Variants in SCP2 observed in about 807,000 individuals in gnomAD.
The protein encoded by SCP2 is SCP-2/3-oxoacyl-CoA thiolase.
Under a neutral mutation model 71.4 loss-of-function variants are expected in SCP2, and 48 were observed. That is an observed-to-expected ratio of 0.67 (90% CI 0.53 to 0.86). SCP2 has a LOEUF of 0.86. SCP2 is among the 40% of genes least tolerant of loss of function. SCP2 has a pLI of 0.00. For missense variants in SCP2, 560 were observed against 655.6 expected (o/e 0.85, Z 1.59); for synonymous variants, 220 against 218.1 (o/e 1.01, Z -0.08).
In SCP2 at chr1:52,999,790, A is replaced by G. The variant is rs79501935; in HGVS notation, c.1081+11654A>G. Among the ~76,000 whole-genome samples the G allele has an allele frequency of 3.3e-4, 50 of 149,498 alleles. 1 individual carries two copies. The East Asian group carries it at 9.4e-3, about 28-fold the overall frequency. ...CAGTTTTCAAAGTGCTTTTACATAT[A>G]CTATCCAACACTTACTGAACACTTG... On this transcript the variant is annotated intron_variant, in intron 11 of 15. Coordinates refer to ENST00000371514, the MANE Select transcript of SCP2 (RefSeq NM_002979.5).
rs933795923 is a variant in SCP2 at position 52,950,758 on chromosome 1, A to G, written c.203A>G (p.Asp68Gly). ...AAATTTTTGTTTTTCTATTCAGGTG[A>G]CTCTACCTGTGGGCAGAGGGCTATC... The part of the protein sequence containing the change: ...DQACVGYVFG[D>G]STCGQRAIYH... The change falls in exon 4 of 16, where the codon GAC becomes GGC. Residue 68 changes from aspartate (D) to glycine (G), a missense_variant. Physicochemically the swap from Asp to Gly is moderately conservative, Grantham distance 94 (BLOSUM62 -1). Transcript: ENST00000371514. 2.5e-6 allele frequency: 4 copies of G among 1,613,278 alleles called. No individual in the cohort carries two copies. The highest frequency in any genetic ancestry group is 3.4e-6 in the Non-Finnish European group (4 of 1,179,380).
chr1:52,976,656 T>A, intron 7 of SCP2, 27 bp from the exon 8 acceptor site: 1 of 1,129,196 alleles, frequency 8.9e-7, no homozygotes, highest in Non-Finnish European at 1.4e-6. Flanking sequence ...TCTCACATTC[T>A]GTAACTAATA....
intron 11 of SCP2, chr1:52,995,100 G>C (rs1659831277): frequency 5.8e-5 from 29 of 500,850 alleles, no homozygotes; most frequent in South Asian, 4.3e-4. Flanking sequence ...AGGAGTAAGA[G>C]AGCTGTGACT....
At chr1:52,951,668 GT>G (rs1458713296) in intron 4 of SCP2, among the ~76,000 whole-genome samples, 1 of 150,996 alleles carries the variant, frequency 6.6e-6, no homozygotes, top group African/African-American at 2.4e-5. Flanking sequence ...ACGATTCAGT[GT>G]TTTTTGTATA....
chr1:52,933,102 A>C (rs989977624), intron 1 of SCP2, among the ~76,000 whole-genome samples: 5 of 152,234 alleles, frequency 3.3e-5, no homozygotes, highest in Non-Finnish European at 7.3e-5. Flanking sequence ...GGCTGGTTGC[A>C]GAAATTGCTT....
chr1:52,995,972 T>G, intron 11 of SCP2: 5 of 1,424,310 alleles, frequency 3.5e-6, no homozygotes, highest in Admixed American at 2.5e-5. Flanking sequence ...AGTACCAGGA[T>G]GCCACCACAG....
At chr1:52,993,822 A>G (rs556216914) in intron 11 of SCP2, 1 of 1,521,462 alleles carries the variant, frequency 6.6e-7, no homozygotes, top group Non-Finnish European at 8.8e-7. Context: ...TGAATTTGGT[A>G]TCTGTCATTC....
At chr1:53,035,879 G>A (rs1662890658) in intron 13 of SCP2, among the ~76,000 whole-genome samples, 3 of 151,952 alleles carry the variant, frequency 2.0e-5, no homozygotes, top group African/African-American at 7.2e-5. Flanking sequence ...AATTAGCCGG[G>A]CGTGGTAGCG....
At chr1:53,022,519 G>A (rs1661822199) in intron 12 of SCP2, among the ~76,000 whole-genome samples, 1 of 152,056 alleles carries the variant, frequency 6.6e-6, no homozygotes, top group Non-Finnish European at 1.5e-5. Flanking sequence ...AGATCCTTTG[G>A]CATTTGAAAA....
At chr1:52,967,870 G>A (rs1217069623) in intron 6 of SCP2, among the ~76,000 whole-genome samples, 2 of 152,162 alleles carry the variant, frequency 1.3e-5, no homozygotes, top group African/African-American at 4.8e-5. Flanking sequence ...GGAACACTGT[G>A]CTTGGGGTGT....
chr1:52,988,007 A>G, intron 10 of SCP2, 22 bp from the exon 11 acceptor site: 1 of 1,150,122 alleles, frequency 8.7e-7, no homozygotes, highest in South Asian at 1.2e-5. Flanking sequence ...AATATTTGTG[A>G]ATACTATTTT....
At chr1:53,024,087 T>C (rs17107630) in intron 12 of SCP2, among the ~76,000 whole-genome samples, 83 of 152,136 alleles carry the variant, frequency 5.5e-4, no homozygotes, top group South Asian at 1.2e-3. Flanking sequence ...GGCATACCTG[T>C]TCTGATTTGT....
rs941354090 is a variant in SCP2, at chr1:53,051,525, T to C, written c.*821T>C. On this transcript the variant is annotated 3_prime_UTR_variant, in exon 16 of 16. Coordinates refer to ENST00000371514, the MANE Select transcript of SCP2 (RefSeq NM_002979.5). ...TTTCCTAGTTTTTCTAATACTAATG[T>C]TATTTCTTAAAATTCAGTGAGATAT... is the stretch of plus-strand genomic sequence containing the variant. 6.6e-6 allele frequency: 1 copy of C among 152,230 alleles called. No individual in the cohort carries two copies. Among genetic ancestry groups the C allele is most frequent in the African/African-American group, 2.4e-5 (1 of 41,472 alleles). 9.4% of individuals were successfully genotyped at this position (152,230 alleles called of 1,614,324 possible). A position where few individuals can be genotyped will look rare whatever the true frequency, so the allele number is the denominator to read the frequency against.
At chr1:52,995,854 G>A in intron 11 of SCP2, 1 of 1,253,610 alleles carries the variant, frequency 8.0e-7, no homozygotes, top group Non-Finnish European at 1.1e-6. Context: ...TCACTGCCAT[G>A]TTCCCCTGGA....
At chr1:53,005,701 A>C (rs1340840491) in intron 11 of SCP2, among the ~76,000 whole-genome samples, 1 of 152,198 alleles carries the variant, frequency 6.6e-6, no homozygotes. Context: ...AAAATTCTAA[A>C]AATCAGAGTG....
chr1:53,042,100 G>A (rs1334432154), intron 14 of SCP2, among the ~76,000 whole-genome samples: 1 of 152,140 alleles, frequency 6.6e-6, no homozygotes, highest in Non-Finnish European at 1.5e-5. Context: ...GAAGTTTCCT[G>A]AATTATACAG....
chr1:52,993,773 CCT>C, intron 11 of SCP2: 3 of 1,577,452 alleles, frequency 1.9e-6, no homozygotes, highest in Non-Finnish European at 2.6e-6. Context: ...ATAATATTCC[CCT>C]CTCTCCTCCC....
Position 52,950,905 on chromosome 1 carries a change from G to C in SCP2, c.331+19G>C, listed in dbSNP as rs776292033. On this transcript the variant is annotated intron_variant, in intron 4 of 15. Transcript: ENST00000371514. Reference sequence around the variant, plus strand: ...CAGGGTGGTAAGGAGTGCTTGTCTAGTGTACTTAAATATTGCCCCATTTTA... The same window carrying C: ...CAGGGTGGTAAGGAGTGCTTGTCTACTGTACTTAAATATTGCCCCATTTTA... 1 of 1,612,222 alleles carries C rather than the reference G, an allele frequency of 6.2e-7. No individual in the cohort carries two copies. Among genetic ancestry groups the C allele is most frequent in the Non-Finnish European group, 8.5e-7 (1 of 1,178,456 alleles).
chr1:52,994,819 C>G, intron 11 of SCP2: 1 of 516,872 alleles, frequency 1.9e-6, no homozygotes, highest in Non-Finnish European at 3.8e-6. Context: ...TGAAATCGAC[C>G]CCACCAGCAC....
Sources: allele counts gnomAD v4.1 joint callset (sites outside exome capture counted in the v4.1 genomes callset), GRCh38; gene constraint gnomAD v4.1.1; transcripts MANE v1.5; gene names NCBI Gene and HGNC (gene_info 2026-07-23, HGNC 2026-07-21).